The following MAN2B2 variants were observed in gnomAD, a reference collection of about 807,000 sequenced individuals.
MAN2B2 encodes mannosidase alpha class 2B member 2.
Under a neutral mutation model 117.1 loss-of-function variants are expected in MAN2B2, and 106 were observed. The observed-to-expected ratio is 0.90, with a 90% CI of 0.77 to 1.06. The LOEUF (loss-of-function observed/expected upper bound fraction) is 1.06, where lower values mean the gene tolerates loss of function less well. MAN2B2 is among the 50% of genes least tolerant of loss of function. The pLI, the probability that MAN2B2 is intolerant of heterozygous loss-of-function variation, is 0.00. For missense variants in MAN2B2, 1,326 were observed against 1,381.4 expected (o/e 0.96, Z 0.64); for synonymous variants, 544 against 595.1 (o/e 0.91, Z 1.25).
At chr4:6,577,978 A>G (rs1270462346) in intron 2 of MAN2B2, among the ~76,000 whole-genome samples, 1 of 152,226 alleles carries the variant, frequency 6.6e-6, no homozygotes, top group Non-Finnish European at 1.5e-5. Context: ...AGCTGTGTGT[A>G]CACATACTGA....
At chr4:6,603,256 A>G (rs991803205) in intron 10 of MAN2B2, among the ~76,000 whole-genome samples, 19 of 151,990 alleles carry the variant, frequency 1.3e-4, no homozygotes, top group African/African-American at 4.4e-4. Context: ...CACGCCACCC[A>G]GCTGACCCTT....
rs199774825 is a variant in MAN2B2, at chr4:6,593,311, G to T, written c.819G>T (p.Arg273Ser). 1 of 1,613,700 alleles carries T rather than the reference G, an allele frequency of 6.2e-7. No individual in the cohort carries two copies. Among genetic ancestry groups the T allele is most frequent in the African/African-American group, 1.3e-5 (1 of 75,040 alleles). Reference protein sequence around the residue: ...AEALVANVKQRAAWFRTPHVL... With the variant: ...AEALVANVKQSAAWFRTPHVL... ...CCCTGGTGGCCAACGTGAAGCAGAG[G>T]GCCGCCTGGTTCCGGACACCGCACG... The change falls in exon 6 of 19, where the codon AGG becomes AGT. Residue 273 changes from arginine to serine, a missense_variant. Arg to Ser is a moderately radical substitution (Grantham distance 110). Transcript: ENST00000285599.
In MAN2B2 at chr4:6,609,200, G is replaced by A. The variant is rs780841708; in HGVS notation, c.1908G>A (p.Leu636=). Reference sequence around the variant, plus strand: ...AGGGCCCCATTTCCGATAACTACCTGTTCACACCGGGCAAGGCCGCGGTGC... The same window carrying A: ...AGGGCCCCATTTCCGATAACTACCTATTCACACCGGGCAAGGCCGCGGTGC... ...VKQGPISDNY[L]FTPGKAAVPA... Residue 636 remains leucine (L), a synonymous_variant, in exon 12 of 19, where the codon CTG becomes CTA. Coordinates refer to ENST00000285599, the MANE Select transcript of MAN2B2 (RefSeq NM_015274.3). 5.6e-6 allele frequency: 9 copies of A among 1,614,240 alleles called. No individual in the cohort carries two copies. Among genetic ancestry groups the A allele is most frequent in the Non-Finnish European group, 6.8e-6 (8 of 1,180,040 alleles).
At chr4:6,590,447 C>T (rs1366595551) in intron 5 of MAN2B2, among the ~76,000 whole-genome samples, 2 of 152,146 alleles carry the variant, frequency 1.3e-5, no homozygotes, top group African/African-American at 4.8e-5. Flanking sequence ...GAACCTCCTT[C>T]CTGGCCATGA....
At chr4:6,604,951 T>A (rs1727477518) in intron 10 of MAN2B2, 104 bp from the exon 11 acceptor site, 1 of 1,353,300 alleles carries the variant, frequency 7.4e-7, no homozygotes, top group African/African-American at 1.5e-5. Flanking sequence ...ATCGGCAGGA[T>A]CCGAGAGATG....
chr4:6,620,181 C>A, intron 18 of MAN2B2, 137 bp downstream of exon 18: 1 of 674,584 alleles, frequency 1.5e-6, no homozygotes, highest in Non-Finnish European at 2.5e-6. Flanking sequence ...ACTCTGAACC[C>A]GCAGCCCTCC....
rs1039149087 is a variant in MAN2B2 at position 6,598,485 on chromosome 4, G to A, written c.1405+131G>A. 4 of 995,598 alleles carry A rather than the reference G, an allele frequency of 4.0e-6. No homozygotes were observed. The African/African-American group carries it at 6.5e-5, about 16-fold the overall frequency. 61.7% of individuals were successfully genotyped at this position (995,598 alleles called of 1,614,324 possible). On this transcript the variant is annotated intron_variant, in intron 9 of 18. Transcript: ENST00000285599. ...CACCCATATCGCCCTTCCCCATGGT[G>A]AGAGCTCGGACAGGTGGCTTCAGTC...
intron 3 of MAN2B2, among the ~76,000 whole-genome samples, chr4:6,582,889 G>A (rs1229826322): frequency 6.6e-6 from 1 of 151,834 alleles, no homozygotes; most frequent in Non-Finnish European, 1.5e-5. Flanking sequence ...CTTGCTTGTG[G>A]CCTGGTCATT....
rs7698640 is a variant in MAN2B2, at chr4:6,620,140, G to A, written c.2932+96G>A. ...GCACATCCAACCATCTGCCTGTCCC[G>A]GCCTGTGCGACCTTGCGAGGCTGCT... On this transcript the variant is annotated intron_variant, in intron 18 of 18. Coordinates refer to ENST00000285599, the MANE Select transcript of MAN2B2 (RefSeq NM_015274.3). 1,124 of 1,036,790 alleles carry A rather than the reference G, an allele frequency of 1.1e-3. 13 individuals are homozygous for A. The highest frequency in any genetic ancestry group is 3.2e-3 in the South Asian group (208 of 64,420). The allele number at this position is 1,036,790 out of a possible 1,614,324, so 64.2% of individuals were successfully genotyped here.
rs1726660961 is a variant in MAN2B2, at chr4:6,587,044, C to A, written c.440C>A (p.Ser147Tyr). The stretch of plus-strand genomic sequence containing the variant: ...ACATTTGGGATCCGGCCACAGTTCT[C>A]CTGGCACGTTGACCCGTTTGGCGCC... ...YETFGIRPQF[S>Y]WHVDPFGASA... The change falls in exon 4 of 19, where the codon TCC becomes TAC. Residue 147 changes from serine (S) to tyrosine (Y), a missense_variant. Physicochemically the swap from Ser to Tyr is moderately radical, Grantham distance 144. Coordinates refer to ENST00000285599, the MANE Select transcript of MAN2B2 (RefSeq NM_015274.3). 6.2e-7 allele frequency: 1 copy of A among 1,614,102 alleles called. No individual in the cohort carries two copies. Among genetic ancestry groups the A allele is most frequent in the East Asian group, 2.2e-5 (1 of 44,862 alleles).
intron 9 of MAN2B2, among the ~76,000 whole-genome samples, 193 bp downstream of exon 9, chr4:6,598,547 AG>A (rs755397658): frequency 6.6e-6 from 1 of 152,240 alleles, no homozygotes; most frequent in Non-Finnish European, 1.5e-5. Flanking sequence ...GCAATGAGGA[AG>A]GGTTGCTGAT....
chr4:6,610,166 CTTTTT>C (rs1277597356), intron 13 of MAN2B2, 116 bp downstream of exon 13: 2 of 1,434,380 alleles, frequency 1.4e-6, no homozygotes, highest in Non-Finnish European at 1.9e-6. Flanking sequence ...TGTTTTTTTC[CTTTTT>C]TTTAAGATGG....
At position 6,605,347 on chromosome 4, in the gene MAN2B2, CTG is replaced by C; in HGVS notation, c.1814+20_1814+21del. On this transcript the variant is annotated intron_variant, in intron 11 of 18. Coordinates refer to ENST00000285599, the MANE Select transcript of MAN2B2 (RefSeq NM_015274.3). Reference sequence around the variant, plus strand: ...TGGGAGAGGTAAGGTGCAGCCATTGCTGTCTCTGAGGCACAGGCATGCCTGGA... The same window carrying C: ...TGGGAGAGGTAAGGTGCAGCCATTGCTCTCTGAGGCACAGGCATGCCTGGA... 1 of 1,593,886 alleles carries C rather than the reference CTG, an allele frequency of 6.3e-7. No homozygotes were observed. Among genetic ancestry groups the C allele is most frequent in the African/African-American group, 1.3e-5 (1 of 74,780 alleles).
chr4:6,609,693 C>T (rs1419554545), intron 12 of MAN2B2, 105 bp from the exon 13 acceptor site: 16 of 1,321,790 alleles, frequency 1.2e-5, no homozygotes, highest in African/African-American at 1.2e-4. Flanking sequence ...TGCCTTTCGG[C>T]GTACCCTGCC....
chr4:6,578,574 G>A (rs1481731331), intron 3 of MAN2B2, 76 bp downstream of exon 3: 1 of 1,250,352 alleles, frequency 8.0e-7, no homozygotes, highest in Non-Finnish European at 1.1e-6. Flanking sequence ...AGAACCCCCA[G>A]GTTCTGAGCT....
intron 3 of MAN2B2, among the ~76,000 whole-genome samples, chr4:6,585,639 C>T (rs990390606): frequency 6.6e-5 from 10 of 152,208 alleles, no homozygotes; most frequent in Non-Finnish European, 1.2e-4. Context: ...CATTTCATAT[C>T]TACAGCTCCT....
intron 5 of MAN2B2, 74 bp from the exon 6 acceptor site, chr4:6,593,099 C>T (rs879513436): frequency 1.2e-5 from 17 of 1,432,578 alleles, no homozygotes; most frequent in East Asian, 4.9e-5. Context: ...GCTGGGAGAA[C>T]ATGGCACTTG....
chr4:6,580,135 CCT>C (rs894109130), intron 3 of MAN2B2, among the ~76,000 whole-genome samples: 4 of 152,308 alleles, frequency 2.6e-5, no homozygotes, highest in East Asian at 1.9e-4. Flanking sequence ...GGAGTGTTCC[CCT>C]GTCTCAGTTT....
intron 13 of MAN2B2, 94 bp from the exon 14 acceptor site, chr4:6,610,786 T>C: frequency 9.7e-7 from 1 of 1,033,174 alleles, no homozygotes. Flanking sequence ...CTGCTGTGCC[T>C]ATGGGGAGCA....
Sources: gnomAD v4.1 joint callset for allele counts (sites outside exome capture counted in the v4.1 genomes callset) on GRCh38, gnomAD v4.1.1 for gene constraint, MANE v1.5 for transcripts, NCBI Gene and HGNC (gene_info 2026-07-23, HGNC 2026-07-21) for gene names.